NRG2: variants seen among roughly 807,000 people sequenced by gnomAD.
The protein encoded by NRG2 is neuregulin 2, also known as pro-neuregulin-2, membrane-bound isoform.
A neutral mutation model predicts 73.9 loss-of-function variants in NRG2; 27 were observed. The observed-to-expected ratio is 0.37, with a 90% CI of 0.27 to 0.50. NRG2 has a LOEUF of 0.50. Ranked by LOEUF, NRG2 falls within the 20% of genes least tolerant of loss-of-function variation. The probability of loss-of-function intolerance (pLI) is 0.96; values close to 1 mark genes in which losing one functional copy is unlikely to be tolerated. For missense variants in NRG2, 1,126 were observed against 1,210.1 expected (o/e 0.93, Z 1.03); for synonymous variants, 532 against 541.0 (o/e 0.98, Z 0.23).
chr5:139,925,070 CAGG>C (rs1751952417), intron 1 of NRG2, among the ~76,000 whole-genome samples: 1 of 152,052 alleles, frequency 6.6e-6, no homozygotes, highest in Non-Finnish European at 1.5e-5. Context: ...GAGGATAGCC[CAGG>C]ACTCAAGGAA....
At chr5:139,861,341 C>T (rs1040044747) in intron 5 of NRG2, among the ~76,000 whole-genome samples, 1 of 152,168 alleles carries the variant, frequency 6.6e-6, no homozygotes, top group Non-Finnish European at 1.5e-5. Flanking sequence ...CGTGGCAATC[C>T]GCAGGAAGTC....
intron 1 of NRG2, among the ~76,000 whole-genome samples, chr5:139,906,339 C>T (rs142859004): frequency 6.6e-6 from 1 of 152,144 alleles, no homozygotes; most frequent in East Asian, 1.9e-4. Flanking sequence ...AACTAGATCA[C>T]TTCACTCATT....
rs553643766 is a variant in NRG2 at position 139,921,746 on chromosome 5, T to C, written c.701-34235A>G. Among the ~76,000 whole-genome samples, 3 of 152,180 alleles carry C rather than the reference T, an allele frequency of 2.0e-5. No individual in the cohort carries two copies. The South Asian group carries it at 6.2e-4, about 32-fold the overall frequency. ...ATGGCATAATATATGAAAGAAATAA[T>C]TGATAAGCTGAACTTCATTGAAATT... On this transcript the variant is annotated intron_variant, in intron 1 of 9. Transcript: ENST00000361474.
intron 1 of NRG2, among the ~76,000 whole-genome samples, chr5:139,944,256 G>A (rs1193234289): frequency 2.0e-5 from 3 of 152,016 alleles, no homozygotes; most frequent in East Asian, 3.9e-4. Context: ...ATTTCTTTGT[G>A]ATAGGAACAT....
At chr5:140,001,598 A>G (rs1758482969) in intron 1 of NRG2, among the ~76,000 whole-genome samples, 1 of 151,902 alleles carries the variant, frequency 6.6e-6, no homozygotes, top group African/African-American at 2.4e-5. Flanking sequence ...TTGGTGGCTC[A>G]TGTGTGTAAT....
At chr5:139,993,122 G>T (rs1182066885) in intron 1 of NRG2, among the ~76,000 whole-genome samples, 2 of 152,074 alleles carry the variant, frequency 1.3e-5, no homozygotes, top group African/African-American at 4.8e-5. Flanking sequence ...TGGTGTGTGT[G>T]TGGTGGGGAG....
intron 1 of NRG2, among the ~76,000 whole-genome samples, chr5:140,030,210 T>C (rs1392342356): frequency 6.6e-6 from 1 of 152,174 alleles, no homozygotes; most frequent in Non-Finnish European, 1.5e-5. Flanking sequence ...AAGTAAACTC[T>C]TATACTTATA....
intron 1 of NRG2, among the ~76,000 whole-genome samples, chr5:139,969,768 TG>T (rs1755837531): frequency 6.6e-6 from 1 of 152,194 alleles, no homozygotes; most frequent in Non-Finnish European, 1.5e-5. Context: ...TAATAGATGA[TG>T]ACCTTTGGCT....
At chr5:139,976,127 G>A (rs1010571254) in intron 1 of NRG2, among the ~76,000 whole-genome samples, 1 of 152,174 alleles carries the variant, frequency 6.6e-6, no homozygotes, top group African/African-American at 2.4e-5. Flanking sequence ...TAAGAGGCAG[G>A]CTGGGTCTAT....
chr5:139,898,155 T>C (rs1764664561), intron 1 of NRG2, among the ~76,000 whole-genome samples: 1 of 152,238 alleles, frequency 6.6e-6, no homozygotes, highest in Non-Finnish European at 1.5e-5. Flanking sequence ...AGGGAGGCCC[T>C]GTGGAGGAAA....
chr5:139,895,392 C>T (rs1313657070), intron 1 of NRG2, among the ~76,000 whole-genome samples: 1 of 152,232 alleles, frequency 6.6e-6, no homozygotes, highest in Non-Finnish European at 1.5e-5. Flanking sequence ...GGAGAGATGG[C>T]ACAGGTTCAC....
chr5:140,042,674 C>G lies in NRG2; in HGVS notation c.396G>C (p.Glu132Asp), dbSNP rs1484777614. The G allele has an allele frequency of 1.3e-6, 2 of 1,592,622 alleles. No homozygotes were observed. The highest frequency in any genetic ancestry group is 1.7e-6 in the Non-Finnish European group (2 of 1,170,288). Reference sequence around the variant, plus strand: ...CTGGGACCAGCCCCTGTACCTTGCCCTCCACCACCACGGGTGCCTTGTACG... The same window carrying G: ...CTGGGACCAGCCCCTGTACCTTGCCGTCCACCACCACGGGTGCCTTGTACG... The part of the protein sequence containing the change: ...DQAYKAPVVV[E>D]GKVQGLVPAG... Residue 132 changes from glutamate to aspartate, a missense_variant, in exon 1 of 10, where the codon GAG (glutamate) becomes GAC (aspartate). Coordinates refer to ENST00000361474, the MANE Select transcript of NRG2 (RefSeq NM_004883.3).
chr5:139,980,681 A>G (rs1306551730), intron 1 of NRG2, among the ~76,000 whole-genome samples: 2 of 152,226 alleles, frequency 1.3e-5, no homozygotes, highest in Non-Finnish European at 2.9e-5. Flanking sequence ...TTGTCTGTTC[A>G]GACAGAATGG....
chr5:139,958,818 C>T (rs1392733563), intron 1 of NRG2, among the ~76,000 whole-genome samples: 1 of 148,880 alleles, frequency 6.7e-6, no homozygotes, highest in Admixed American at 6.6e-5. Context: ...AGAGACTTTA[C>T]CTTCTAGACA....
intron 1 of NRG2, among the ~76,000 whole-genome samples, chr5:140,022,517 A>G (rs949885479): frequency 1.3e-5 from 2 of 152,206 alleles, no homozygotes; most frequent in African/African-American, 4.8e-5. Context: ...AAAGCATCCA[A>G]TAAACATTTG....
chr5:139,953,009 A>G (rs1362792473), intron 1 of NRG2, among the ~76,000 whole-genome samples: 1 of 152,156 alleles, frequency 6.6e-6, no homozygotes, highest in Non-Finnish European at 1.5e-5. Context: ...TATGTGCACT[A>G]TCAACAACAT....
chr5:140,035,807 G>A (rs1279811559), intron 1 of NRG2, among the ~76,000 whole-genome samples: 1 of 152,084 alleles, frequency 6.6e-6, no homozygotes, highest in African/African-American at 2.4e-5. Flanking sequence ...AAGGTGTAAG[G>A]GAGCCAGTGT....
At chr5:139,971,061 TCA>T (rs1010203282) in intron 1 of NRG2, among the ~76,000 whole-genome samples, 2 of 152,100 alleles carry the variant, frequency 1.3e-5, no homozygotes, top group African/African-American at 4.8e-5. Context: ...TTGCTCAACC[TCA>T]GTTTCCCCAA....
intron 1 of NRG2, chr5:140,019,595 A>C (rs373674108): frequency 1.1e-4 from 17 of 152,070 alleles, no homozygotes; most frequent in African/African-American, 4.1e-4. Context: ...AGCCTTAAAA[A>C]TAATTTTTTT....
Sources: gnomAD v4.1 joint callset for allele counts (sites outside exome capture counted in the v4.1 genomes callset) on GRCh38, gnomAD v4.1.1 for gene constraint, MANE v1.5 for transcripts, NCBI Gene and HGNC (gene_info 2026-07-23, HGNC 2026-07-21) for gene names.